Variants in ADGRL4 observed in about 807,000 individuals in gnomAD.
ADGRL4 encodes adhesion G protein-coupled receptor L4.
A neutral mutation model predicts 74.8 loss-of-function variants in ADGRL4; 90 were observed. That is an observed-to-expected ratio of 1.20 (90% CI 1.02 to 1.43). The LOEUF is 1.43. Ranked by LOEUF, ADGRL4 falls within the 40% of genes most tolerant of loss-of-function variation. The probability of loss-of-function intolerance (pLI) is 0.00; values close to 1 mark genes in which losing one functional copy is unlikely to be tolerated. For missense variants in ADGRL4, 881 were observed against 814.3 expected, an observed-to-expected ratio of 1.08 and a Z score of -1.00; for synonymous variants, 311 against 279.2, an observed-to-expected ratio of 1.11 and a Z score of -1.14.
At chr1:78,900,419 T>A (rs2100654368) in intron 12 of ADGRL4, among the ~76,000 whole-genome samples, 1 of 152,234 alleles carries the variant, frequency 6.6e-6, no homozygotes, top group East Asian at 1.9e-4. Flanking sequence ...GGCCACTGAA[T>A]TGTGGTAATT....
At chr1:79,002,891 A>G (rs898697540) in intron 2 of ADGRL4, among the ~76,000 whole-genome samples, 2 of 152,116 alleles carry the variant, frequency 1.3e-5, no homozygotes, top group Non-Finnish European at 2.9e-5. Context: ...TTGTAGGACC[A>G]TGCAAAACAA....
intron 2 of ADGRL4, among the ~76,000 whole-genome samples, chr1:78,985,631 T>G (rs572026237): frequency 4.0e-5 from 6 of 151,764 alleles, no homozygotes; most frequent in Non-Finnish European, 8.8e-5. Flanking sequence ...GGGACAAAAA[T>G]TATATATAAC....
In ADGRL4 at chr1:78,942,190, A is replaced by G. The variant is rs894289814; in HGVS notation, c.326-2932T>C. Among the ~76,000 whole-genome samples, 163 of 150,718 alleles carry G rather than the reference A, an allele frequency of 1.1e-3. 1 individual carries two copies. The highest frequency in any genetic ancestry group is 1.6e-3 in the Non-Finnish European group (105 of 67,568). ...CTCCGTCTCAAAAAAAAAAAAAAAA[A>G]AAAAAAAAAGACACCTTCTAATCCA... On this transcript the variant is annotated intron_variant, in intron 3 of 14. Transcript: ENST00000370742.
chr1:78,937,719 A>C, intron 6 of ADGRL4, 88 bp downstream of exon 6: 3 of 1,191,970 alleles, frequency 2.5e-6, no homozygotes, highest in Non-Finnish European at 3.6e-6. Flanking sequence ...TACTAGTTTC[A>C]ACACCATGCC....
At chr1:78,921,448 G>T (rs747236524) in intron 9 of ADGRL4, among the ~76,000 whole-genome samples, 165 bp downstream of exon 9, 7 of 148,900 alleles carry the variant, frequency 4.7e-5, no homozygotes, top group Non-Finnish European at 8.9e-5. Flanking sequence ...AAGGTAGGTA[G>T]GAAAACAGAC....
intron 2 of ADGRL4, among the ~76,000 whole-genome samples, chr1:78,961,837 A>C (rs913495745): frequency 6.6e-6 from 1 of 151,890 alleles, no homozygotes; most frequent in Non-Finnish European, 1.5e-5. Context: ...GCATCATGGT[A>C]CATGGCTTGA....
At chr1:78,930,326 C>A (rs1365896401) in intron 7 of ADGRL4, among the ~76,000 whole-genome samples, 3 of 149,856 alleles carry the variant, frequency 2.0e-5, no homozygotes, top group South Asian at 4.2e-4. Context: ...TATATGAGAA[C>A]AACAACAAAA....
intron 2 of ADGRL4, among the ~76,000 whole-genome samples, chr1:78,973,523 C>T (rs747725388): frequency 6.0e-5 from 9 of 150,984 alleles, no homozygotes; most frequent in East Asian, 1.9e-4. Flanking sequence ...ATGTAACACA[C>T]GCAAATCTCT....
chr1:78,920,015 G>C (rs1204788841), intron 10 of ADGRL4, among the ~76,000 whole-genome samples, 168 bp downstream of exon 10: 1 of 151,894 alleles, frequency 6.6e-6, no homozygotes, highest in Non-Finnish European at 1.5e-5. Context: ...TAAGTAGTTT[G>C]CTTAGCTGTG....
chr1:78,902,478 A>T (rs1272680763), intron 12 of ADGRL4, among the ~76,000 whole-genome samples: 1 of 151,948 alleles, frequency 6.6e-6, no homozygotes, highest in Non-Finnish European at 1.5e-5. Context: ...GAGGTCAAAT[A>T]ACTTGCCCAA....
intron 12 of ADGRL4, among the ~76,000 whole-genome samples, chr1:78,905,319 T>G (rs960633500): frequency 6.6e-6 from 1 of 151,992 alleles, no homozygotes; most frequent in Non-Finnish European, 1.5e-5. Context: ...AAGAAAGAAA[T>G]AACTATATTG....
At chr1:78,990,758 CT>C (rs1206124922) in intron 2 of ADGRL4, among the ~76,000 whole-genome samples, 2 of 151,934 alleles carry the variant, frequency 1.3e-5, no homozygotes, top group Non-Finnish European at 2.9e-5. Flanking sequence ...AATCAAGCAT[CT>C]GCTTGCCTTT....
At chr1:78,999,724 T>A (rs896882373) in intron 2 of ADGRL4, among the ~76,000 whole-genome samples, 1 of 152,124 alleles carries the variant, frequency 6.6e-6, no homozygotes, top group East Asian at 1.9e-4. Context: ...GAAAACCATA[T>A]TCAATTTTTA....
intron 2 of ADGRL4, among the ~76,000 whole-genome samples, chr1:78,971,315 A>G (rs1348357218): frequency 1.3e-5 from 2 of 152,240 alleles, no homozygotes; most frequent in South Asian, 2.1e-4. Context: ...TTTAGGATAC[A>G]TGTGCATAAC....
chr1:78,927,175 A>C, intron 7 of ADGRL4, 84 bp from the exon 8 acceptor site: 1 of 885,490 alleles, frequency 1.1e-6, no homozygotes, highest in Non-Finnish European at 1.7e-6. Context: ...AAAATTGAAT[A>C]GACAAACATT....
intron 2 of ADGRL4, among the ~76,000 whole-genome samples, chr1:78,977,371 G>A (rs906686392): frequency 6.6e-6 from 1 of 151,772 alleles, no homozygotes; most frequent in Non-Finnish European, 1.5e-5. Flanking sequence ...GAAATGTTCT[G>A]TATATTAATT....
At chr1:78,899,387 C>T (rs1353499888) in intron 12 of ADGRL4, among the ~76,000 whole-genome samples, 1 of 152,152 alleles carries the variant, frequency 6.6e-6, no homozygotes, top group Non-Finnish European at 1.5e-5. Context: ...CAGGTTCTTG[C>T]TCTGTTGCCC....
chr1:78,962,470 G>T (rs927572047), intron 2 of ADGRL4, among the ~76,000 whole-genome samples: 1 of 151,936 alleles, frequency 6.6e-6, no homozygotes, highest in Non-Finnish European at 1.5e-5. Flanking sequence ...TTTGGCTCTC[G>T]TGTTCTTTCT....
intron 7 of ADGRL4, among the ~76,000 whole-genome samples, chr1:78,929,928 T>C (rs908325745): frequency 1.3e-5 from 2 of 151,514 alleles, no homozygotes; most frequent in African/African-American, 4.9e-5. Flanking sequence ...CAAATTGTCT[T>C]TGAAATTTCA....
Sources: allele counts gnomAD v4.1 joint callset (sites outside exome capture counted in the v4.1 genomes callset), GRCh38; gene constraint gnomAD v4.1.1; transcripts MANE v1.5; gene names NCBI Gene and HGNC (gene_info 2026-07-23, HGNC 2026-07-21).